Variants in RBFOX3 observed in about 807,000 individuals in gnomAD.
RBFOX3 encodes RNA binding protein fox-1 homolog 3.
A neutral mutation model predicts 48.7 loss-of-function variants in RBFOX3; 17 were observed. The observed-to-expected ratio is 0.35, with a 90% CI of 0.24 to 0.52. RBFOX3 has a LOEUF of 0.52. RBFOX3 is among the 20% of genes least tolerant of loss of function. The pLI, the probability that RBFOX3 is intolerant of heterozygous loss-of-function variation, is 0.94. For missense variants in RBFOX3, 382 were observed against 497.5 expected (o/e 0.77, Z 2.21); for synonymous variants, 212 against 209.5 (o/e 1.01, Z -0.10).
rs2073660027 is a variant in RBFOX3, at chr17:79,090,384, C to A, written c.*499G>T. The A allele has an allele frequency of 6.5e-6, 1 of 154,510 alleles. No homozygotes were observed. The highest frequency in any genetic ancestry group is 1.9e-4 in the East Asian group (1 of 5,260). The allele number at this position is 154,510 out of a possible 1,614,324, so 9.6% of individuals were successfully genotyped here. On this transcript the variant is annotated 3_prime_UTR_variant, in exon 15 of 15. Coordinates refer to ENST00000693108, the MANE Select transcript of RBFOX3 (RefSeq NM_001350451.2). ...AGTGGAGCCCCTGGGATGAAAGCTG[C>A]CCGCACCCCTCAGCCCCGCCGGCCC...
intron 3 of RBFOX3, among the ~76,000 whole-genome samples, chr17:79,244,476 A>T (rs1600193317): frequency 6.8e-6 from 1 of 146,908 alleles, no homozygotes; most frequent in Non-Finnish European, 1.5e-5. Flanking sequence ...ACAGGAGAGT[A>T]ACCCACCCAC....
intron 4 of RBFOX3, among the ~76,000 whole-genome samples, chr17:79,219,511 G>A (rs1325371702): frequency 6.6e-6 from 1 of 152,138 alleles, no homozygotes; most frequent in East Asian, 1.9e-4. Context: ...CCCTCACTGT[G>A]AGGGCCCCTT....
At chr17:79,630,372 CTGT>C in the RBFOX3 span, among the ~76,000 whole-genome samples, 1 of 152,298 alleles carries the variant, frequency 6.6e-6, no homozygotes, top group East Asian at 1.9e-4. Context: ...GTCATTGTTG[CTGT>C]TGTTTTTATT....
chr17:79,164,930 T>C (rs1234095830), intron 4 of RBFOX3, among the ~76,000 whole-genome samples: 2 of 152,212 alleles, frequency 1.3e-5, no homozygotes, highest in African/African-American at 4.8e-5. Context: ...GTTTCACTCA[T>C]CTTTCCACCC....
At chr17:79,632,304 C>T in the RBFOX3 span, among the ~76,000 whole-genome samples, 1 of 152,008 alleles carries the variant, frequency 6.6e-6, no homozygotes, top group African/African-American at 2.4e-5. Flanking sequence ...AGGGGTGGGG[C>T]CGGGGATGTG....
chr17:79,518,509 A>G (rs1369624079), intron 1 of RBFOX3, among the ~76,000 whole-genome samples: 1 of 152,230 alleles, frequency 6.6e-6, no homozygotes, highest in East Asian at 1.9e-4. Context: ...AGGTGTCTCC[A>G]AAGCCTGGCT....
At chr17:79,288,791 T>C (rs2072592968) in intron 3 of RBFOX3, among the ~76,000 whole-genome samples, 1 of 151,096 alleles carries the variant, frequency 6.6e-6, no homozygotes. Context: ...ACCCCCCCAA[T>C]TGATATAGCT....
rs1245562024 is a variant in RBFOX3, at chr17:79,390,090, C to G, written c.-174-82266G>C. Among the ~76,000 whole-genome samples the G allele has an allele frequency of 2.0e-5, 3 of 152,030 alleles. No homozygotes were observed. Among genetic ancestry groups the G allele is most frequent in the Non-Finnish European group, 4.4e-5 (3 of 67,996 alleles). On this transcript the variant is annotated intron_variant, in intron 2 of 14. Coordinates refer to ENST00000693108, the MANE Select transcript of RBFOX3 (RefSeq NM_001350451.2). The surrounding 1 kb of genome is among the most constrained non-coding windows in gnomAD (Gnocchi z 4.2). Reference sequence around the variant, plus strand: ...CTCCGCAGCCTCCGGGTCTCCGCAGCCTCCGGGTCTCCGTAGCCAGCCACC... The same window carrying G: ...CTCCGCAGCCTCCGGGTCTCCGCAGGCTCCGGGTCTCCGTAGCCAGCCACC...
intron 1 of RBFOX3, among the ~76,000 whole-genome samples, chr17:79,592,313 C>T (rs1339103779): frequency 6.7e-5 from 10 of 148,702 alleles, no homozygotes; most frequent in African/African-American, 2.5e-4. Context: ...CATATGCATG[C>T]CTGTGTATGT....
rs1421354358 is a variant in RBFOX3, at chr17:79,204,343, G to A, written c.-34+31423C>T. ...CACACCAGCGGGTGCCGGGGAGCAG[G>A]GGGCGTAGGTGGGGTTGGGGCAGAA... On this transcript the variant is annotated intron_variant, in intron 4 of 14. Transcript: ENST00000693108. This position sits in a 1 kb window ranked among gnomAD's most constrained non-coding sequence, Gnocchi z 4.5. Among the ~76,000 whole-genome samples, 2 of 152,186 alleles carry A rather than the reference G, an allele frequency of 1.3e-5. No homozygotes were observed.
At chr17:79,152,317 G>A (rs9789019) in intron 4 of RBFOX3, among the ~76,000 whole-genome samples, 97,838 of 151,888 alleles carry the variant, frequency 0.64, 31,874 homozygotes, top group Non-Finnish European at 0.69. Context: ...GAAGCTGAGA[G>A]GCGGCTGCTT....
At chr17:79,427,683 A>C (rs1356000050) in intron 2 of RBFOX3, among the ~76,000 whole-genome samples, 5 of 152,242 alleles carry the variant, frequency 3.3e-5, no homozygotes, top group African/African-American at 1.2e-4. Flanking sequence ...TTGGGGAAAC[A>C]TCCTGAGATA....
At chr17:79,611,169 T>TCTCTCTCTCTCTCGCTCG, upstream of RBFOX3, among the ~76,000 whole-genome samples, 1 of 25,908 alleles carries the variant, frequency 3.9e-5, no homozygotes. Flanking sequence ...TCTCTCTCTC[T>TCTCTCTCTCTCTCGCTCG]CTCTCCGCCC....
Position 79,252,802 on chromosome 17 carries a change from C to A in RBFOX3, c.-73-16997G>T, listed in dbSNP as rs984177128. The stretch of plus-strand genomic sequence containing the variant: ...TCCCTTCCTTTTTGGGTCTTCATGT[C>A]CACAGAGAGTGAGGCGTGGACCCAG... On this transcript the variant is annotated intron_variant, in intron 3 of 14. Transcript: ENST00000693108. This position sits in a 1 kb window ranked among gnomAD's most constrained non-coding sequence, Gnocchi z 4.0. Among the ~76,000 whole-genome samples the A allele has an allele frequency of 6.6e-6, 1 of 152,188 alleles. No homozygotes were observed. Among genetic ancestry groups the A allele is most frequent in the Non-Finnish European group, 1.5e-5 (1 of 68,040 alleles).
At chr17:79,399,114 A>T (rs2062438857) in intron 2 of RBFOX3, among the ~76,000 whole-genome samples, 1 of 152,152 alleles carries the variant, frequency 6.6e-6, no homozygotes, top group African/African-American at 2.4e-5. Flanking sequence ...CCAGAGGCTA[A>T]GAAGCCGTGG....
intron 1 of RBFOX3, among the ~76,000 whole-genome samples, chr17:79,531,036 T>C (rs2087683088): frequency 1.3e-5 from 2 of 152,242 alleles, no homozygotes; most frequent in Admixed American, 6.5e-5. Flanking sequence ...CTAAGGTCGC[T>C]GGGGCTTTGT....
intron 2 of RBFOX3, among the ~76,000 whole-genome samples, chr17:79,346,044 C>T (rs1384831059): frequency 1.3e-5 from 2 of 152,088 alleles, no homozygotes; most frequent in African/African-American, 4.8e-5. Flanking sequence ...CCTTAGCCTC[C>T]CAAGTAGCTG....
chr17:79,448,095 G>A (rs1443439488), intron 2 of RBFOX3, among the ~76,000 whole-genome samples: 1 of 152,152 alleles, frequency 6.6e-6, no homozygotes, highest in Admixed American at 6.5e-5. Flanking sequence ...GGTACAACCT[G>A]TGGAACTGTG....
rs760456667 is a variant in RBFOX3 at position 79,390,392 on chromosome 17, C to T, written c.-174-82568G>A. ...GCCAGGTGACGGGTTCCAGCTCATT[C>T]GGGGCTCAGCCCCATCTGCCCACTT... On this transcript the variant is annotated intron_variant, in intron 2 of 14. Transcript: ENST00000693108. The surrounding 1 kb of genome is among the most constrained non-coding windows in gnomAD (Gnocchi z 4.2). 3.7e-4 allele frequency among the ~76,000 whole-genome samples: 56 copies of T among 152,292 alleles called. 1 individual carries two copies. The highest frequency in any genetic ancestry group is 6.8e-3 in the Middle Eastern group (2 of 294).
Sources: gnomAD v4.1 joint callset for allele counts (sites outside exome capture counted in the v4.1 genomes callset) on GRCh38, gnomAD v4.1.1 for gene constraint, Gnocchi (gnomAD v3.1) non-coding constraint, MANE v1.5 for transcripts, NCBI Gene and HGNC (gene_info 2026-07-23, HGNC 2026-07-21) for gene names.